IRX1: variants seen among roughly 807,000 people sequenced by gnomAD.
The protein encoded by IRX1 is iroquois homeobox 1, also known as iroquois-class homeodomain protein IRX-1.
In IRX1, 22 loss-of-function variants were observed where a neutral mutation model predicts 34.1. That is an observed-to-expected ratio of 0.64 (90% CI 0.46 to 0.92). The LOEUF is 0.92. IRX1 is among the 40% of genes least tolerant of loss of function. The pLI is 0.00. For missense variants in IRX1, 758 were observed against 680.0 expected (o/e 1.11, Z -1.28); for synonymous variants, 363 against 319.0 (o/e 1.14, Z -1.47).
rs1257398762 is a variant in IRX1 at position 3,599,809 on chromosome 5, G to C, written c.861G>C (p.Glu287Asp). The change falls in exon 2 of 4, where the codon GAG (glutamate) becomes GAC (aspartate). Residue 287 changes from glutamate (E) to aspartate (D), a missense_variant. Coordinates refer to ENST00000302006, the MANE Select transcript of IRX1 (RefSeq NM_024337.4). This position sits in a 1 kb window ranked among gnomAD's most constrained non-coding sequence, Gnocchi z 6.6. ...PQDSPLGLAK[E>D]APEPGSTRLL... ...ACTCGCCCTTGGGCCTGGCAAAGGA[G>C]GCCCCAGAGCCGGGCAGCACGCGCC... 3 of 1,587,990 alleles carry C rather than the reference G, an allele frequency of 1.9e-6. No individual in the cohort carries two copies. In the South Asian group the frequency reaches 3.4e-5, roughly 18 times the overall value.
At chr5:3,598,041 G>A (rs1733834041) in intron 1 of IRX1, among the ~76,000 whole-genome samples, 1 of 152,098 alleles carries the variant, frequency 6.6e-6, no homozygotes, top group Non-Finnish European at 1.5e-5. Flanking sequence ...GGGATAATAT[G>A]TAAAAATTAT....
In IRX1 at chr5:3,601,229, C is replaced by A. The variant is rs113372448; in HGVS notation, c.*189C>A. 1,950 of 619,162 alleles carry A rather than the reference C, an allele frequency of 3.1e-3. 30 individuals carry two copies. The African/African-American group carries it at 0.032, about 10-fold the overall frequency. The allele number at this position is 619,162 out of a possible 1,614,324, so 38.4% of individuals were successfully genotyped here. On this transcript the variant is annotated 3_prime_UTR_variant, in exon 4 of 4. Transcript: ENST00000302006. ...GGTCCCGAGCTCGCGTCCAGGTGGC[C>A]AGGCCTCTGCCGGCGGCTCCAGTGG... is the stretch of plus-strand genomic sequence containing the variant.
In IRX1 at chr5:3,600,213, C is replaced by G; in HGVS notation, c.1265C>G (p.Ala422Gly). The G allele has an allele frequency of 6.2e-7, 1 of 1,610,050 alleles. No homozygotes were observed. The highest frequency in any genetic ancestry group is 8.5e-7 in the Non-Finnish European group (1 of 1,178,772). The change falls in exon 2 of 4, where the codon GCA becomes GGA. Residue 422 changes from alanine (A) to glycine (G), a missense_variant. By Grantham distance (60) the Ala-to-Gly change is moderately conservative. Transcript: ENST00000302006. Reference protein sequence around the residue: ...PQPPVAIAPGALNGDKASVRS... With the variant: ...PQPPVAIAPGGLNGDKASVRS... ...CCGCCGGTCGCTATTGCCCCGGGGG[C>G]ACTCAATGGAGACAAGGCCTCGGTC...
Position 3,596,293 on chromosome 5 carries a change from T to C in IRX1, c.188T>C (p.Met63Thr), listed in dbSNP as rs773601503. The change falls in exon 1 of 4, where the codon ATG becomes ACG. Residue 63 changes from methionine (M) to threonine (T), a missense_variant. Physicochemically the swap from Met to Thr is moderately conservative, Grantham distance 81. Around this residue, in one of 3 missense-constraint regions of IRX1, gnomAD observed 195 missense variants for 195.0 expected, o/e 1.00. Coordinates refer to ENST00000302006, the MANE Select transcript of IRX1 (RefSeq NM_024337.4). ...GAAAVTSVLGMYAAAGPYAGA... is the reference protein window; with the variant it reads ...GAAAVTSVLGTYAAAGPYAGA... ...GCTGCAGTCACCTCGGTGCTGGGCA[T>C]GTACGCGGCGGCGGGGCCGTACGCG... 11 of 1,431,200 alleles carry C rather than the reference T, an allele frequency of 7.7e-6. 1 individual carries two copies. Among genetic ancestry groups the C allele is most frequent in the Middle Eastern group, 2.6e-4 (1 of 3,888 alleles). 88.7% of individuals were successfully genotyped at this position (1,431,200 alleles called of 1,614,324 possible). A position where few individuals can be genotyped will look rare whatever the true frequency, so the allele number is the denominator to read the frequency against.
rs200714951 is a variant in IRX1, at chr5:3,601,009, C to T, written c.1412C>T (p.Pro471Leu). Residue 471 changes from proline to leucine, a missense_variant, in exon 4 of 4, where the codon CCG becomes CTG. Coordinates refer to ENST00000302006, the MANE Select transcript of IRX1 (RefSeq NM_024337.4). ...DNSLAPQEGTPRILAALPSA is the reference protein window; with the variant it reads ...DNSLAPQEGTLRILAALPSA ...TCTCTGGCCCCGCAGGAGGGAACGC[C>T]GCGGATCCTAGCAGCCCTCCCGTCC... 3.5e-5 allele frequency: 57 copies of T among 1,613,098 alleles called. No individual in the cohort carries two copies. In the East Asian group the frequency reaches 1.3e-3, roughly 35 times the overall value.
chr5:3,600,313 G>T, intron 2 of IRX1, 53 bp downstream of exon 2: 1 of 1,459,044 alleles, frequency 6.9e-7, no homozygotes, highest in South Asian at 1.3e-5. Flanking sequence ...GCAGAGGCCT[G>T]GCTAGGTGTG....
rs1733966078 is a variant in IRX1 at position 3,601,378 on chromosome 5, TGTCTA to T, written c.*339_*343del. 1 of 347,382 alleles carries T rather than the reference TGTCTA, an allele frequency of 2.9e-6. No individual in the cohort carries two copies. The highest frequency in any genetic ancestry group is 5.4e-6 in the Non-Finnish European group (1 of 186,194). The allele number at this position is 347,382 out of a possible 1,614,324, so 21.5% of individuals were successfully genotyped here. A position where few individuals can be genotyped will look rare whatever the true frequency, so the allele number is the denominator to read the frequency against. Reference sequence around the variant, plus strand: ...CGAACTTGTCTAAATCATATATTTTTGTCTAATAAACTAAATGAAATGACACCCCC... The same window carrying T: ...CGAACTTGTCTAAATCATATATTTTTATAAACTAAATGAAATGACACCCCC... On this transcript the variant is annotated 3_prime_UTR_variant, in exon 4 of 4. Coordinates refer to ENST00000302006, the MANE Select transcript of IRX1 (RefSeq NM_024337.4).
rs1379331660 is a variant in IRX1 at position 3,600,174 on chromosome 5, C to G, written c.1226C>G (p.Pro409Arg). Residue 409 changes from proline (P) to arginine (R), a missense_variant, in exon 2 of 4, where the codon CCT (proline) becomes CGT (arginine). Coordinates refer to ENST00000302006, the MANE Select transcript of IRX1 (RefSeq NM_024337.4). ...AAPHGPHLPAPPPPQPPVAIA... is the reference protein window; with the variant it reads ...AAPHGPHLPARPPPQPPVAIA... ...CCCCATGGCCCTCACCTTCCTGCAC[C>G]TCCACCACCGCAGCCGCCGGTCGCT... 2.5e-6 allele frequency: 4 copies of G among 1,612,452 alleles called. No homozygotes were observed. Among genetic ancestry groups the G allele is most frequent in the South Asian group, 1.1e-5 (1 of 91,062 alleles).
Position 3,599,628 on chromosome 5 carries a change from G to A in IRX1, c.680G>A (p.Ser227Asn), listed in dbSNP as rs745983655. 1 of 1,613,964 alleles carries A rather than the reference G, an allele frequency of 6.2e-7. No homozygotes were observed. The highest frequency in any genetic ancestry group is 1.1e-5 in the South Asian group (1 of 91,072). ...GACGACGAGGAGATCGACCTGGAAA[G>A]CATCGACATTGACAAGATCGACGAG... ...AEDDEEIDLE[S>N]IDIDKIDEHD... is the part of the protein sequence containing the mutation. Residue 227 changes from serine to asparagine, a missense_variant, in exon 2 of 4, where the codon AGC (serine) becomes AAC (asparagine). By Grantham distance (46) the Ser-to-Asn change is conservative. Around this residue, in one of 3 missense-constraint regions of IRX1, gnomAD observed 529 missense variants for 418.8 expected, o/e 1.26. Coordinates refer to ENST00000302006, the MANE Select transcript of IRX1 (RefSeq NM_024337.4). The surrounding 1 kb of genome is among the most constrained non-coding windows in gnomAD (Gnocchi z 6.6).
Position 3,599,810 on chromosome 5 carries a change from G to A in IRX1, c.862G>A (p.Ala288Thr), listed in dbSNP as rs1733909703. 1.3e-6 allele frequency: 2 copies of A among 1,584,926 alleles called. No individual in the cohort carries two copies. The highest frequency in any genetic ancestry group is 1.7e-6 in the Non-Finnish European group (2 of 1,166,958). ...QDSPLGLAKE[A>T]PEPGSTRLLS... ...CTCGCCCTTGGGCCTGGCAAAGGAG[G>A]CCCCAGAGCCGGGCAGCACGCGCCT... Residue 288 changes from alanine (A) to threonine (T), a missense_variant, in exon 2 of 4, where the codon GCC becomes ACC. Ala to Thr is a moderately conservative substitution (Grantham distance 58). Around this residue, in one of 3 missense-constraint regions of IRX1, gnomAD observed 529 missense variants for 418.8 expected, o/e 1.26. Transcript: ENST00000302006. The surrounding 1 kb of genome is among the most constrained non-coding windows in gnomAD (Gnocchi z 6.6).
intron 1 of IRX1, among the ~76,000 whole-genome samples, chr5:3,596,984 G>T (rs1468347834): frequency 6.6e-6 from 1 of 152,192 alleles, no homozygotes; most frequent in African/African-American, 2.4e-5. Context: ...CGGCGTGAGT[G>T]CGAATTTGAG....
Position 3,596,213 on chromosome 5 carries a change from C to T in IRX1, c.108C>T (p.Ala36=), listed in dbSNP as rs1743688092. The T allele has an allele frequency of 1.8e-6, 2 of 1,084,630 alleles. No homozygotes were observed. Among genetic ancestry groups the T allele is most frequent in the Non-Finnish European group, 1.1e-6 (1 of 895,432 alleles). The allele number at this position is 1,084,630 out of a possible 1,614,324, so 67.2% of individuals were successfully genotyped here. A position where few individuals can be genotyped will look rare whatever the true frequency, so the allele number is the denominator to read the frequency against. Residue 36 remains alanine, a synonymous_variant, in exon 1 of 4, where the codon GCC becomes GCT. Transcript: ENST00000302006. ...GVLAAAAAAA[A]AASSGRPGAA... is the part of the protein sequence containing the mutation. ...TGGCCGCGGCCGCTGCGGCGGCTGC[C>T]GCCGCCTCGTCGGGCCGACCGGGGG...
rs913100938 is a variant in IRX1 at position 3,595,832 on chromosome 5, G to T, written c.-274G>T. Among the ~76,000 whole-genome samples, 1 of 151,224 alleles carries T rather than the reference G, an allele frequency of 6.6e-6. No homozygotes were observed. The highest frequency in any genetic ancestry group is 1.5e-5 in the Non-Finnish European group (1 of 67,690). Reference sequence around the variant, plus strand: ...CCAATCAAAGCATCAACTTCAAATTGTGTCTGAAAGCCCCGCCGCCGAGCG... The same window carrying T: ...CCAATCAAAGCATCAACTTCAAATTTTGTCTGAAAGCCCCGCCGCCGAGCG... On this transcript the variant is annotated 5_prime_UTR_variant, in exon 1 of 4. Transcript: ENST00000302006.
In IRX1 at chr5:3,599,533, G is replaced by C; in HGVS notation, c.585G>C (p.Ala195=). The change falls in exon 2 of 4, where the codon GCG becomes GCC. Residue 195 remains alanine, a synonymous_variant. Coordinates refer to ENST00000302006, the MANE Select transcript of IRX1 (RefSeq NM_024337.4). The surrounding 1 kb of genome is among the most constrained non-coding windows in gnomAD (Gnocchi z 6.6). ...AGGAGAACAAGGTGACATGGGGAGC[G>C]CGCAGCAAGGACCAGGAAGATGGAG... ...LKKENKVTWG[A]RSKDQEDGAL... 6.2e-7 allele frequency: 1 copy of C among 1,614,196 alleles called. No individual in the cohort carries two copies. The highest frequency in any genetic ancestry group is 8.5e-7 in the Non-Finnish European group (1 of 1,180,040).
chr5:3,601,215 C>G lies in IRX1; in HGVS notation c.*175C>G. ...AAAGGGGCTTCTTCGGTCCCGAGCT[C>G]GCGTCCAGGTGGCCAGGCCTCTGCC... On this transcript the variant is annotated 3_prime_UTR_variant, in exon 4 of 4. Coordinates refer to ENST00000302006, the MANE Select transcript of IRX1 (RefSeq NM_024337.4). The G allele has an allele frequency of 4.6e-6, 3 of 658,110 alleles. No individual in the cohort carries two copies. Among genetic ancestry groups the G allele is most frequent in the Non-Finnish European group, 7.9e-6 (3 of 378,204 alleles). The allele number at this position is 658,110 out of a possible 1,614,324, so 40.8% of individuals were successfully genotyped here.
rs553155092 is a variant in IRX1 at position 3,598,647 on chromosome 5, G to C, written c.277-578G>C. ...ATGCAGATTAATTTGGAAGGCAAAG[G>C]ACTGTGCTTTCGTTTTAAATTGCTG... On this transcript the variant is annotated intron_variant, in intron 1 of 3. Coordinates refer to ENST00000302006, the MANE Select transcript of IRX1 (RefSeq NM_024337.4). Among the ~76,000 whole-genome samples, 65 of 152,300 alleles carry C rather than the reference G, an allele frequency of 4.3e-4. 3 individuals carry two copies. In the South Asian group the frequency reaches 0.013, roughly 31 times the overall value.
chr5:3,600,663 T>A lies in IRX1; in HGVS notation c.1367T>A (p.Phe456Tyr). The A allele has an allele frequency of 1.2e-6, 2 of 1,610,028 alleles. No individual in the cohort carries two copies. Among genetic ancestry groups the A allele is most frequent in the East Asian group, 4.5e-5 (2 of 44,636 alleles). The stretch of plus-strand genomic sequence containing the variant: ...CCGGCACAGCAGTTAAAGTCGCCCT[T>A]CCAGCCGGTACGCGACAAGTGAGTG... ...DSPAQQLKSP[F>Y]QPVRDNSLAP... Residue 456 changes from phenylalanine (F) to tyrosine (Y), a missense_variant, in exon 3 of 4, where the codon TTC becomes TAC. Phe to Tyr is a conservative substitution (Grantham distance 22, BLOSUM62 3). Transcript: ENST00000302006.
rs776104340 is a variant in IRX1, at chr5:3,596,336, C to A, written c.231C>A (p.Ser77Arg). Residue 77 changes from serine (S) to arginine (R), a missense_variant, in exon 1 of 4, where the codon AGC (serine) becomes AGA (arginine). Physicochemically the swap from Ser to Arg is moderately radical, Grantham distance 110. This residue lies in a region of IRX1 where 195 missense variants were observed against 195.0 expected (regional missense o/e 1.00). Transcript: ENST00000302006. ...CGTACGCGGGCGCGCCCAACTACAGCGCCTTCCTGCCCTACGCCGCGGATC... is the reference window on the plus strand; with the variant it reads ...CGTACGCGGGCGCGCCCAACTACAGAGCCTTCCTGCCCTACGCCGCGGATC... The part of the protein sequence containing the change: ...AGPYAGAPNY[S>R]AFLPYAADLS... 4 of 1,529,360 alleles carry A rather than the reference C, an allele frequency of 2.6e-6. No individual in the cohort carries two copies. In the South Asian group the frequency reaches 4.9e-5, roughly 19 times the overall value. 94.7% of individuals were successfully genotyped at this position (1,529,360 alleles called of 1,614,324 possible). A position where few individuals can be genotyped will look rare whatever the true frequency, so the allele number is the denominator to read the frequency against.
At chr5:3,600,351 A>T (rs1464387869) in intron 2 of IRX1, 91 bp downstream of exon 2, 1 of 1,278,594 alleles carries the variant, frequency 7.8e-7, no homozygotes, top group Non-Finnish European at 1.1e-6. Context: ...ATGAGCCGGG[A>T]GGGTACCAGG....
Sources: gnomAD v4.1 joint callset for allele counts (sites outside exome capture counted in the v4.1 genomes callset) on GRCh38, gnomAD v4.1.1 for gene constraint, gnomAD v4.1.1 regional missense constraint, Gnocchi (gnomAD v3.1) non-coding constraint, MANE v1.5 for transcripts, NCBI Gene and HGNC (gene_info 2026-07-23, HGNC 2026-07-21) for gene names.